Variants in SLC24A3 observed in about 807,000 individuals in gnomAD.
The protein encoded by SLC24A3 is sodium/potassium/calcium exchanger 3.
Under a neutral mutation model 75.8 loss-of-function variants are expected in SLC24A3, and 28 were observed. The ratio of observed to expected loss-of-function variants is 0.37; its 90% CI spans 0.27 to 0.51. The LOEUF is 0.51. Ranked by LOEUF, SLC24A3 falls within the 20% of genes least tolerant of loss-of-function variation. The pLI is 0.94. For missense variants in SLC24A3, 663 were observed against 847.8 expected (o/e 0.78, Z 2.71); for synonymous variants, 372 against 334.1 (o/e 1.11, Z -1.24).
chr20:19,696,763 C>T (rs2032811002), intron 13 of SLC24A3, 34 bp from the exon 14 acceptor site: 2 of 1,485,204 alleles, frequency 1.3e-6, no homozygotes, highest in Non-Finnish European at 1.9e-6. Context: ...CTTGAGGTGA[C>T]CCTCAGCTGA....
chr20:19,415,607 A>G (rs913161051), intron 2 of SLC24A3, among the ~76,000 whole-genome samples: 7 of 152,148 alleles, frequency 4.6e-5, no homozygotes, highest in African/African-American at 1.7e-4. Flanking sequence ...TTAAATGTGT[A>G]CAAGATTTTG....
chr20:19,472,092 C>G (rs1453976063), intron 2 of SLC24A3, among the ~76,000 whole-genome samples: 1 of 151,586 alleles, frequency 6.6e-6, no homozygotes, highest in Non-Finnish European at 1.5e-5. Flanking sequence ...AATTTGGGGT[C>G]CACGGATCCC....
intron 6 of SLC24A3, among the ~76,000 whole-genome samples, chr20:19,602,921 G>C (rs923237732): frequency 1.3e-5 from 2 of 152,206 alleles, no homozygotes; most frequent in African/African-American, 2.4e-5. Flanking sequence ...GCCAGCTGAG[G>C]GGGGCTCATC....
intron 6 of SLC24A3, among the ~76,000 whole-genome samples, chr20:19,591,442 A>C (rs1470321613): frequency 6.6e-6 from 1 of 151,960 alleles, no homozygotes; most frequent in African/African-American, 2.4e-5. Context: ...TTCCAGCCCC[A>C]TTGTTGTGAT....
At chr20:19,247,387 A>C (rs552213572) in intron 1 of SLC24A3, among the ~76,000 whole-genome samples, 1 of 152,322 alleles carries the variant, frequency 6.6e-6, no homozygotes, top group Non-Finnish European at 1.5e-5. Context: ...TGAAGAAAAA[A>C]ATTTTAAATC....
intron 2 of SLC24A3, among the ~76,000 whole-genome samples, chr20:19,343,817 T>A (rs1468236894): frequency 1.3e-5 from 2 of 152,146 alleles, no homozygotes; most frequent in African/African-American, 4.8e-5. Flanking sequence ...TATGGACCAG[T>A]TGGTAGGCGT....
chr20:19,325,765 C>CATATATAT (rs1491578632), intron 2 of SLC24A3, among the ~76,000 whole-genome samples: 44 of 42,992 alleles, frequency 1.0e-3, no homozygotes, highest in South Asian at 1.4e-3. Context: ...TACATACATA[C>CATATATAT]ATATATATAT....
At chr20:19,667,270 G>A (rs918113857) in intron 8 of SLC24A3, among the ~76,000 whole-genome samples, 1 of 152,224 alleles carries the variant, frequency 6.6e-6, no homozygotes, top group African/African-American at 2.4e-5. Context: ...GAGAAAATGA[G>A]AAGGAGGTCT....
At chr20:19,514,540 G>A (rs1018027970) in intron 2 of SLC24A3, among the ~76,000 whole-genome samples, 1 of 152,188 alleles carries the variant, frequency 6.6e-6, no homozygotes, top group Admixed American at 6.5e-5. Flanking sequence ...GTGGGTGGGG[G>A]TGGTGTGTGC....
At chr20:19,659,410 T>G (rs2032301630) in intron 7 of SLC24A3, among the ~76,000 whole-genome samples, 1 of 152,244 alleles carries the variant, frequency 6.6e-6, no homozygotes, top group African/African-American at 2.4e-5. Flanking sequence ...GTGATAGAAA[T>G]GGCCTACAAT....
At chr20:19,548,995 G>A (rs186804270) in intron 3 of SLC24A3, among the ~76,000 whole-genome samples, 1 of 152,314 alleles carries the variant, frequency 6.6e-6, no homozygotes, top group African/African-American at 2.4e-5. Flanking sequence ...GCATAGACTG[G>A]TGGAGGCCCT....
chr20:19,601,847 A>G (rs1424863529), intron 6 of SLC24A3, among the ~76,000 whole-genome samples: 2 of 152,224 alleles, frequency 1.3e-5, no homozygotes, highest in Non-Finnish European at 2.9e-5. Context: ...TAATTGAAAC[A>G]GTAATAGGAG....
At chr20:19,627,524 G>A (rs921684852) in intron 6 of SLC24A3, among the ~76,000 whole-genome samples, 3 of 151,988 alleles carry the variant, frequency 2.0e-5, no homozygotes, top group Non-Finnish European at 4.4e-5. Flanking sequence ...ATATTTACTT[G>A]GCAGATGGAC....
At chr20:19,598,748 T>C (rs2031483589) in intron 6 of SLC24A3, among the ~76,000 whole-genome samples, 1 of 152,110 alleles carries the variant, frequency 6.6e-6, no homozygotes, top group South Asian at 2.1e-4. Flanking sequence ...TTTAAGATAT[T>C]GGTCATTATA....
intron 15 of SLC24A3, among the ~76,000 whole-genome samples, chr20:19,716,267 C>T (rs2033045610): frequency 2.0e-5 from 3 of 152,100 alleles, no homozygotes; most frequent in Admixed American, 2.0e-4. Context: ...AAGGCAGAAG[C>T]AGTGTCTTCT....
intron 2 of SLC24A3, among the ~76,000 whole-genome samples, chr20:19,465,893 G>A (rs1987757415): frequency 1.3e-5 from 2 of 152,152 alleles, no homozygotes; most frequent in African/African-American, 2.4e-5. Context: ...AATTAAACCA[G>A]AATCTCTGCA....
At chr20:19,367,167 T>G (rs1445158979) in intron 2 of SLC24A3, among the ~76,000 whole-genome samples, 1 of 152,246 alleles carries the variant, frequency 6.6e-6, no homozygotes, top group Non-Finnish European at 1.5e-5. Flanking sequence ...TGGCCACATG[T>G]AGCTAGTAGC....
At chr20:19,578,033 C>T (rs1600287483) in intron 3 of SLC24A3, among the ~76,000 whole-genome samples, 1 of 152,262 alleles carries the variant, frequency 6.6e-6, no homozygotes, top group East Asian at 1.9e-4. Flanking sequence ...CAAACAAGCT[C>T]ATACAAAGCA....
At chr20:19,678,741 T>A (rs1431609281) in intron 9 of SLC24A3, among the ~76,000 whole-genome samples, 1 of 127,094 alleles carries the variant, frequency 7.9e-6, no homozygotes, top group East Asian at 2.6e-4. Flanking sequence ...TCCTCATTTC[T>A]CAGACGGGGC....
Sources: allele counts gnomAD v4.1 joint callset (sites outside exome capture counted in the v4.1 genomes callset), GRCh38; gene constraint gnomAD v4.1.1; transcripts MANE v1.5; gene names NCBI Gene and HGNC (gene_info 2026-07-23, HGNC 2026-07-21).